Variants in GON4L observed in about 807,000 individuals in gnomAD.
The protein encoded by GON4L is gon-4 like.
In GON4L, 87 loss-of-function variants were observed where a neutral mutation model predicts 211.8. That is an observed-to-expected ratio of 0.41 (90% CI 0.35 to 0.49). The LOEUF (loss-of-function observed/expected upper bound fraction) is 0.49. Ranked by LOEUF, GON4L falls within the 20% of genes least tolerant of loss-of-function variation. The pLI is 0.15. For missense variants in GON4L, 2,155 were observed against 2,659.5 expected, an observed-to-expected ratio of 0.81 and a Z score of 4.17; for synonymous variants, 875 against 962.6, an observed-to-expected ratio of 0.91 and a Z score of 1.68.
intron 1 of GON4L, among the ~76,000 whole-genome samples, chr1:155,854,435 G>C (rs527632954): frequency 6.6e-6 from 1 of 152,278 alleles, no homozygotes; most frequent in East Asian, 1.9e-4. Context: ...GATTACAGGC[G>C]TGAGCCACCG....
intron 20 of GON4L, chr1:155,767,064 A>T: frequency 3.4e-6 from 2 of 589,284 alleles, no homozygotes; most frequent in Non-Finnish European, 2.9e-6. Context: ...CAACAACAAA[A>T]AAAGAATTTG....
intron 10 of GON4L, 25 bp from the exon 11 acceptor site, chr1:155,805,166 A>G (rs1667018185): frequency 6.6e-7 from 1 of 1,522,638 alleles, no homozygotes; most frequent in Non-Finnish European, 9.1e-7. Context: ...AAGAAAAGTC[A>G]CTGAGTGAGT....
At chr1:155,755,869 A>T (rs1179125208) in intron 27 of GON4L, among the ~76,000 whole-genome samples, 2 of 152,290 alleles carry the variant, frequency 1.3e-5, no homozygotes, top group African/African-American at 2.4e-5. Context: ...TTTATGATGA[A>T]GAAACTGAAA....
rs754807736 is a variant in GON4L at position 155,853,759 on chromosome 1, T to C, written c.22A>G (p.Arg8Gly). 1 of 1,613,168 alleles carries C rather than the reference T, an allele frequency of 6.2e-7. No individual in the cohort carries two copies. The highest frequency in any genetic ancestry group is 2.2e-5 in the East Asian group (1 of 44,882). MLPCKKRRTTVTESLQHK... is the reference protein window; with the variant it reads MLPCKKRGTTVTESLQHK... ...TGTAGGGACTCTGTCACTGTAGTTC[T>C]TCTCTTCTTACAGGGCAACATTTTA... Residue 8 changes from arginine to glycine, a missense_variant, in exon 2 of 32, where the codon AGA (arginine) becomes GGA (glycine). Transcript: ENST00000368331.
intron 11 of GON4L, among the ~76,000 whole-genome samples, chr1:155,798,900 T>C (rs747532937): frequency 4.6e-5 from 7 of 152,134 alleles, no homozygotes; most frequent in Non-Finnish European, 1.0e-4. Context: ...TTAACAAAGA[T>C]GCTGAAAAAT....
At chr1:155,841,280 T>C (rs1670754517) in intron 2 of GON4L, among the ~76,000 whole-genome samples, 2 of 152,196 alleles carry the variant, frequency 1.3e-5, no homozygotes, top group South Asian at 4.1e-4. Context: ...AACTATTCAA[T>C]TCCTCCAGGC....
rs183610082 is a variant in GON4L, at chr1:155,759,805, C to T, written c.5109+639G>A. ...TAGCCTCCTATTCTGCAACATTTCA[C>T]GTTACCATACCACAGTGGCCTTCCC... On this transcript the variant is annotated intron_variant, in intron 24 of 31. Coordinates refer to ENST00000368331, the MANE Select transcript of GON4L (RefSeq NM_001282860.2). Among the ~76,000 whole-genome samples, 41 of 151,782 alleles carry T rather than the reference C, an allele frequency of 2.7e-4. No individual in the cohort carries two copies. In the East Asian group the frequency reaches 6.4e-3, roughly 24 times the overall value.
At chr1:155,751,215 A>G (rs1027567480) in intron 31 of GON4L, among the ~76,000 whole-genome samples, 4 of 152,198 alleles carry the variant, frequency 2.6e-5, no homozygotes, top group Non-Finnish European at 4.4e-5. Flanking sequence ...AAAGTCACAC[A>G]ACTCCTAAAA....
Position 155,767,397 on chromosome 1 carries a change from C to G in GON4L, c.2763+28G>C, listed in dbSNP as rs950119567. The G allele has an allele frequency of 2.5e-6, 4 of 1,613,860 alleles. No individual in the cohort carries two copies. In the East Asian group the frequency reaches 8.9e-5, roughly 36 times the overall value. On this transcript the variant is annotated intron_variant, in intron 20 of 31. Transcript: ENST00000368331. Reference sequence around the variant, plus strand: ...AGAACTTTCAGTGACCTTCTGCCTCCTACAGACTTCGAGGAAGAGGGCTGT... The same window carrying G: ...AGAACTTTCAGTGACCTTCTGCCTCGTACAGACTTCGAGGAAGAGGGCTGT...
At chr1:155,748,101 G>A, downstream of GON4L, 2 of 1,608,248 alleles carry the variant, frequency 1.2e-6, no homozygotes, top group Non-Finnish European at 8.5e-7. Flanking sequence ...TGAGCCACCT[G>A]TCAACTTCCC....
chr1:155,807,370 C>G (rs1321568388), intron 10 of GON4L, among the ~76,000 whole-genome samples: 1 of 152,038 alleles, frequency 6.6e-6, no homozygotes. Context: ...CCACTGCACT[C>G]CAGCCTGGGC....
intron 2 of GON4L, among the ~76,000 whole-genome samples, chr1:155,852,967 C>G (rs548492546): frequency 6.6e-6 from 1 of 152,170 alleles, no homozygotes; most frequent in East Asian, 1.9e-4. Context: ...ACAAAATTAG[C>G]CTGGCGTGGT....
Position 155,793,465 on chromosome 1 carries a change from G to A in GON4L, c.1747+1585C>T, listed in dbSNP as rs546476474. Among the ~76,000 whole-genome samples, 196 of 152,242 alleles carry A rather than the reference G, an allele frequency of 1.3e-3. 1 individual carries two copies. Among genetic ancestry groups the A allele is most frequent in the African/African-American group, 4.5e-3 (186 of 41,552 alleles). On this transcript the variant is annotated intron_variant, in intron 12 of 31. Transcript: ENST00000368331. ...GCCAGCATCTTACCTTCTCCATGTC[G>A]TGTATATTATTCCAGTACAGGGTCA... is the stretch of plus-strand genomic sequence containing the variant.
rs1660675661 is a variant in GON4L at position 155,752,196 on chromosome 1, G to A, written c.6237C>T (p.Pro2079=). 1.2e-6 allele frequency: 2 copies of A among 1,613,612 alleles called. No homozygotes were observed. The highest frequency in any genetic ancestry group is 4.5e-5 in the East Asian group (2 of 44,864). Residue 2079 remains proline (P), a synonymous_variant, in exon 30 of 32, where the codon CCC becomes CCT. Coordinates refer to ENST00000368331, the MANE Select transcript of GON4L (RefSeq NM_001282860.2). ...TTGTCTTCACCCGAGCTCTGCTTGA[G>A]GGCAGCCATCTCTCTTGAGTGTCTG... is the stretch of plus-strand genomic sequence containing the variant. ...GKPDTQERWL[P]SSRARVKTRD...
At chr1:155,788,917 C>T (rs1164414513) in intron 12 of GON4L, among the ~76,000 whole-genome samples, 4 of 151,942 alleles carry the variant, frequency 2.6e-5, no homozygotes, top group African/African-American at 9.7e-5. Context: ...GGTGAAACCC[C>T]GTCTCTACTA....
At chr1:155,789,248 C>T (rs1446184942) in intron 12 of GON4L, among the ~76,000 whole-genome samples, 3 of 152,070 alleles carry the variant, frequency 2.0e-5, no homozygotes, top group African/African-American at 7.2e-5. Flanking sequence ...TTAAATGGTA[C>T]ACTTGAGATG....
In GON4L at chr1:155,826,976, G is replaced by C; in HGVS notation, c.558C>G (p.Ser186Arg). Residue 186 changes from serine to arginine, a missense_variant, in exon 3 of 32, where the codon AGC (serine) becomes AGG (arginine). Physicochemically the swap from Ser to Arg is moderately radical, Grantham distance 110. Coordinates refer to ENST00000368331, the MANE Select transcript of GON4L (RefSeq NM_001282860.2). ...EGEIPSLPSG[S>R]QSAKPVSQPR... ...GCTGGCTTACTGGTTTTGCAGATTG[G>C]CTGCCTGATGGCAGGGAAGGTATCT... is the stretch of plus-strand genomic sequence containing the variant. 2.5e-6 allele frequency: 4 copies of C among 1,613,966 alleles called. No homozygotes were observed. Among genetic ancestry groups the C allele is most frequent in the Non-Finnish European group, 2.5e-6 (3 of 1,179,824 alleles).
chr1:155,760,548 C>G lies in GON4L; in HGVS notation c.5005G>C (p.Val1669Leu). The G allele has an allele frequency of 6.2e-7, 1 of 1,613,016 alleles. No homozygotes were observed. The highest frequency in any genetic ancestry group is 8.5e-7 in the Non-Finnish European group (1 of 1,178,992). Residue 1669 changes from valine (V) to leucine (L), a missense_variant, in exon 24 of 32, where the codon GTA (valine) becomes CTA (leucine). Physicochemically the swap from Val to Leu is conservative, Grantham distance 32 (BLOSUM62 1). This residue lies in a region of GON4L where 455 missense variants were observed against 504.6 expected (regional missense o/e 0.90). Transcript: ENST00000368331. ...ATTTGCAGGCTTTTGTAGAGATCTACAGCCGTCCGTCTCTGGGTACTTGAC... is the reference window on the plus strand; with the variant it reads ...ATTTGCAGGCTTTTGTAGAGATCTAGAGCCGTCCGTCTCTGGGTACTTGAC... ...FESSTQRRTA[V>L]DLYKSLQILL...
rs771783064 is a variant in GON4L at position 155,765,631 on chromosome 1, C to G, written c.3842G>C (p.Gly1281Ala). The change falls in exon 21 of 32, where the codon GGA (glycine) becomes GCA (alanine). Residue 1281 changes from glycine (G) to alanine (A), a missense_variant. Gly to Ala is a moderately conservative substitution (Grantham distance 60). Transcript: ENST00000368331. ...PPLADAECQE[G>A]LSENSACRWT... Reference sequence around the variant, plus strand: ...GCGACAGGCACTATTCTCTGACAATCCTTCTTGGCACTCTGCATCTGCTAG... The same window carrying G: ...GCGACAGGCACTATTCTCTGACAATGCTTCTTGGCACTCTGCATCTGCTAG... The G allele has an allele frequency of 6.2e-7, 1 of 1,614,196 alleles. No homozygotes were observed. The highest frequency in any genetic ancestry group is 8.5e-7 in the Non-Finnish European group (1 of 1,180,034).
Sources: allele counts gnomAD v4.1 joint callset (sites outside exome capture counted in the v4.1 genomes callset), GRCh38; gene constraint gnomAD v4.1.1; regional missense constraint gnomAD v4.1.1; transcripts MANE v1.5; gene names NCBI Gene and HGNC (gene_info 2026-07-23, HGNC 2026-07-21).